MTSS1: variants seen among roughly 807,000 people sequenced by gnomAD.
The protein encoded by MTSS1 is MTSS I-BAR domain containing 1.
A neutral mutation model predicts 79.0 loss-of-function variants in MTSS1; 18 were observed. The observed-to-expected ratio is 0.23, with a 90% confidence interval of 0.16 to 0.34. The LOEUF (loss-of-function observed/expected upper bound fraction) is 0.34. Ranked by LOEUF, MTSS1 falls within the 10% of genes least tolerant of loss-of-function variation. The probability of loss-of-function intolerance (pLI) is 1.00; values close to 1 mark genes in which losing one functional copy is unlikely to be tolerated. For synonymous variants in MTSS1, 341 were observed against 368.6 expected, an observed-to-expected ratio of 0.93 and a Z score of 0.86; for missense variants, 815 against 986.2, an observed-to-expected ratio of 0.83 and a Z score of 2.33.
intron 3 of MTSS1, among the ~76,000 whole-genome samples, chr8:124,623,509 T>G (rs1390902517): frequency 6.6e-6 from 1 of 152,190 alleles, no homozygotes; most frequent in Non-Finnish European, 1.5e-5. Context: ...CAATAAACAC[T>G]TGCTGGCTTC....
chr8:124,690,944 A>T (rs970193073), intron 3 of MTSS1, among the ~76,000 whole-genome samples: 3 of 152,222 alleles, frequency 2.0e-5, no homozygotes, highest in Non-Finnish European at 2.9e-5. Flanking sequence ...AGTTGTAAAA[A>T]TGCTAAAAAT....
At position 124,607,566 on chromosome 8, in the gene MTSS1, C is replaced by T. The variant is rs78409163; in HGVS notation, c.209-16331G>A. On this transcript the variant is annotated intron_variant, in intron 3 of 13. Coordinates refer to ENST00000518547, the MANE Select transcript of MTSS1 (RefSeq NM_014751.6). ...ACAGAGAAAGCAAGTATGAGGCTTGCGCAGGAGAGAAAGCAGCACCGTGAC... is the reference window on the plus strand; with the variant it reads ...ACAGAGAAAGCAAGTATGAGGCTTGTGCAGGAGAGAAAGCAGCACCGTGAC... Among the ~76,000 whole-genome samples the T allele has an allele frequency of 7.4e-3, 1,121 of 152,284 alleles. 6 individuals carry two copies. Among genetic ancestry groups the T allele is most frequent in the Non-Finnish European group, 0.011 (779 of 68,032 alleles).
chr8:124,588,978 G>A (rs1010951738), intron 5 of MTSS1, among the ~76,000 whole-genome samples: 1 of 151,940 alleles, frequency 6.6e-6, no homozygotes, highest in African/African-American at 2.4e-5. Context: ...GCCTCCTGAA[G>A]TGCTGGAATT....
At chr8:124,726,383 G>A (rs1833702000) in intron 1 of MTSS1, among the ~76,000 whole-genome samples, 1 of 152,212 alleles carries the variant, frequency 6.6e-6, no homozygotes, top group African/African-American at 2.4e-5. Context: ...TGCACTGGGG[G>A]CAACAGAATG....
At chr8:124,706,394 C>T (rs187919808) in intron 1 of MTSS1, among the ~76,000 whole-genome samples, 37 of 147,436 alleles carry the variant, frequency 2.5e-4, no homozygotes, top group African/African-American at 7.6e-4. Flanking sequence ...TTTTTTAAAA[C>T]GTAAGATCAA....
intron 3 of MTSS1, among the ~76,000 whole-genome samples, chr8:124,603,810 C>T (rs1294012608): frequency 6.6e-6 from 1 of 152,194 alleles, no homozygotes; most frequent in East Asian, 1.9e-4. Flanking sequence ...TTATGTTAGC[C>T]TTGAAAATGG....
chr8:124,659,049 G>C (rs927475112), intron 3 of MTSS1, among the ~76,000 whole-genome samples: 3 of 152,130 alleles, frequency 2.0e-5, no homozygotes, highest in Non-Finnish European at 4.4e-5. Context: ...CAGCAATTTT[G>C]AACTTTGTTT....
Position 124,568,475 on chromosome 8 carries a change from G to A in MTSS1, c.522C>T (p.Leu174=). The change falls in exon 7 of 14, where the codon CTC becomes CTT. Residue 174 remains leucine (L), a synonymous_variant. Coordinates refer to ENST00000518547, the MANE Select transcript of MTSS1 (RefSeq NM_014751.6). ...SALQDVNDKY[L]LLEETEKQAV... is the part of the protein sequence containing the mutation. ...CCTGCTTTTCTGTTTCTTCCAATAA[G>A]AGATACTTATCATTGACATCTTGGA... 6.2e-7 allele frequency: 1 copy of A among 1,614,134 alleles called. No homozygotes were observed. Among genetic ancestry groups the A allele is most frequent in the Non-Finnish European group, 8.5e-7 (1 of 1,180,016 alleles).
intron 3 of MTSS1, among the ~76,000 whole-genome samples, chr8:124,604,085 C>T (rs1452566582): frequency 1.3e-5 from 2 of 152,044 alleles, no homozygotes; most frequent in Non-Finnish European, 2.9e-5. Flanking sequence ...TGGAGGCAGG[C>T]GCCTGTAATC....
At chr8:124,576,026 C>A (rs1339836785) in intron 6 of MTSS1, among the ~76,000 whole-genome samples, 1 of 152,224 alleles carries the variant, frequency 6.6e-6, no homozygotes, top group East Asian at 1.9e-4. Context: ...AGGCCACCAT[C>A]ATCTGTCACC....
At chr8:124,618,920 G>A (rs1812922461) in intron 3 of MTSS1, among the ~76,000 whole-genome samples, 2 of 152,208 alleles carry the variant, frequency 1.3e-5, no homozygotes, top group African/African-American at 4.8e-5. Context: ...GTCATGGCTG[G>A]AAGATCTAAG....
intron 1 of MTSS1, among the ~76,000 whole-genome samples, chr8:124,707,392 CA>C (rs58460546): frequency 2.8e-5 from 4 of 144,646 alleles, no homozygotes; most frequent in South Asian, 2.3e-4. Flanking sequence ...ACTAAAAATA[CA>C]AAAAAAAAAA....
intron 13 of MTSS1, among the ~76,000 whole-genome samples, chr8:124,555,300 CA>C (rs1395377375): frequency 1.3e-5 from 2 of 152,094 alleles, no homozygotes. Context: ...GGCTGGAGTG[CA>C]GTGGCGCGAT....
chr8:124,702,168 C>T (rs1829795581), intron 2 of MTSS1, among the ~76,000 whole-genome samples: 1 of 152,142 alleles, frequency 6.6e-6, no homozygotes, highest in Non-Finnish European at 1.5e-5. Context: ...TGAAAGACTG[C>T]CAGACGGTTA....
At chr8:124,605,067 G>A (rs1014610065) in intron 3 of MTSS1, among the ~76,000 whole-genome samples, 1 of 152,178 alleles carries the variant, frequency 6.6e-6, no homozygotes, top group African/African-American at 2.4e-5. Context: ...CATTCCGACA[G>A]GGAGGCTTCC....
intron 3 of MTSS1, chr8:124,698,168 G>A (rs2135384570): frequency 6.6e-6 from 1 of 152,328 alleles, no homozygotes; most frequent in African/African-American, 2.4e-5. Context: ...TTTGTTCAAT[G>A]AATGAGAAGG....
intron 3 of MTSS1, among the ~76,000 whole-genome samples, chr8:124,595,734 G>A (rs191358697): frequency 5.3e-5 from 8 of 152,262 alleles, no homozygotes; most frequent in Non-Finnish European, 8.8e-5. Flanking sequence ...GGGTTAGAAC[G>A]TGGACATCTT....
At chr8:124,674,355 C>T (rs1303077203) in intron 3 of MTSS1, among the ~76,000 whole-genome samples, 1 of 152,106 alleles carries the variant, frequency 6.6e-6, no homozygotes, top group Non-Finnish European at 1.5e-5. Context: ...ATAAAATATG[C>T]ATAATCTGCA....
At chr8:124,726,738 G>A (rs1428743711) in intron 1 of MTSS1, among the ~76,000 whole-genome samples, 3 of 152,158 alleles carry the variant, frequency 2.0e-5, no homozygotes, top group Non-Finnish European at 2.9e-5. Flanking sequence ...CGGCTGAAGA[G>A]GGGCTGTCCA....
Sources: gnomAD v4.1 joint callset for allele counts (sites outside exome capture counted in the v4.1 genomes callset) on GRCh38, gnomAD v4.1.1 for gene constraint, MANE v1.5 for transcripts, NCBI Gene and HGNC (gene_info 2026-07-23, HGNC 2026-07-21) for gene names.